The following ANKRD44 variants were observed in gnomAD, a reference collection of about 807,000 sequenced individuals.
ANKRD44 encodes the protein serine/threonine-protein phosphatase 6 regulatory ankyrin repeat subunit B.
In ANKRD44, 35 loss-of-function variants were observed where a neutral mutation model predicts 116.0. That is an observed-to-expected ratio of 0.30 (90% confidence interval 0.23 to 0.40). The LOEUF is 0.40. ANKRD44 is among the 10% of genes least tolerant of loss of function. The pLI, the probability that ANKRD44 is intolerant of heterozygous loss-of-function variation, is 1.00. For missense variants in ANKRD44, 1,014 were observed against 1,242.6 expected (o/e 0.82, Z 2.77); for synonymous variants, 435 against 461.8 (o/e 0.94, Z 0.74).
chr2:197,028,249 G>T (rs1296803441), intron 16 of ANKRD44, among the ~76,000 whole-genome samples: 1 of 151,948 alleles, frequency 6.6e-6, no homozygotes. Flanking sequence ...TAGAGACAGG[G>T]TCTCACTCTG....
intron 2 of ANKRD44, among the ~76,000 whole-genome samples, chr2:197,153,263 AGAG>A (rs1440499107): frequency 7.5e-6 from 1 of 132,514 alleles, no homozygotes; most frequent in Non-Finnish European, 1.7e-5. Flanking sequence ...AACAAGAAGA[AGAG>A]GAAGAAGAGG....
intron 27 of ANKRD44, 134 bp downstream of exon 27, chr2:196,993,449 T>G (rs2075956417): frequency 1.4e-6 from 1 of 702,038 alleles, no homozygotes; most frequent in Non-Finnish European, 2.4e-6. Flanking sequence ...TTGCTTGATT[T>G]CTCACACACA....
intron 4 of ANKRD44, among the ~76,000 whole-genome samples, chr2:197,128,183 G>A (rs544740528): frequency 6.6e-6 from 1 of 152,130 alleles, no homozygotes; most frequent in Non-Finnish European, 1.5e-5. Flanking sequence ...TGGGTCAAAT[G>A]GTATTTCTGC....
At chr2:197,196,234 C>T (rs917117675) in intron 1 of ANKRD44, among the ~76,000 whole-genome samples, 3 of 152,056 alleles carry the variant, frequency 2.0e-5, no homozygotes, top group Admixed American at 6.5e-5. Flanking sequence ...TCAATATAAA[C>T]CACTTTAGTG....
chr2:197,003,260 G>A (rs1376165728), intron 21 of ANKRD44, among the ~76,000 whole-genome samples: 2 of 151,624 alleles, frequency 1.3e-5, no homozygotes, highest in Non-Finnish European at 2.9e-5. Context: ...GTGGTGAGCC[G>A]AAATCACGCC....
At chr2:197,136,293 C>G in intron 4 of ANKRD44, 1 of 359,772 alleles carries the variant, frequency 2.8e-6, no homozygotes, top group Admixed American at 4.2e-5. Flanking sequence ...CTTTCTCCCG[C>G]AAGTCAATGA....
intron 16 of ANKRD44, among the ~76,000 whole-genome samples, chr2:197,070,797 A>C (rs2077542832): frequency 6.6e-6 from 1 of 152,188 alleles, no homozygotes; most frequent in Admixed American, 6.5e-5. Flanking sequence ...TTTTCCAGAA[A>C]AGACTGTGTA....
chr2:197,222,513 C>T (rs1001614670), intron 1 of ANKRD44, among the ~76,000 whole-genome samples: 6 of 152,312 alleles, frequency 3.9e-5, no homozygotes, highest in Admixed American at 3.3e-4. Flanking sequence ...ACCTTCCTCT[C>T]GCCCAAGGAC....
At chr2:197,017,529 A>T (rs182465695) in intron 17 of ANKRD44, among the ~76,000 whole-genome samples, 128 of 152,350 alleles carry the variant, frequency 8.4e-4, no homozygotes, top group African/African-American at 3.0e-3. Context: ...AATGATTTTG[A>T]TTATGTTACA....
At chr2:197,074,827 T>C (rs2125110430) in intron 16 of ANKRD44, among the ~76,000 whole-genome samples, 1 of 152,036 alleles carries the variant, frequency 6.6e-6, no homozygotes, top group East Asian at 1.9e-4. Context: ...AGCCGGGTGG[T>C]AATGGTTTTC....
At chr2:196,984,034 C>A (rs1277878243), downstream of ANKRD44, among the ~76,000 whole-genome samples, 1 of 152,234 alleles carries the variant, frequency 6.6e-6, no homozygotes, top group Non-Finnish European at 1.5e-5. Context: ...AAAGTTCTTT[C>A]TCAACCTTGT....
chr2:197,174,892 T>C (rs569975688), intron 2 of ANKRD44, among the ~76,000 whole-genome samples: 1 of 152,114 alleles, frequency 6.6e-6, no homozygotes, highest in Non-Finnish European at 1.5e-5. Context: ...AGGGGAGGTG[T>C]CCCAGATAAG....
In ANKRD44 at chr2:197,085,480, C is replaced by T. The variant is rs755953846; in HGVS notation, c.1316+1200G>A. Among the ~76,000 whole-genome samples the T allele has an allele frequency of 1.9e-4, 29 of 152,118 alleles. 1 individual carries two copies. In the South Asian group the frequency reaches 2.1e-3, roughly 11 times the overall value. ...TAAGTCATAACATAAGACAGGAGGTCGGCACAAGATACCGGTCATGAAGAC... is the reference window on the plus strand; with the variant it reads ...TAAGTCATAACATAAGACAGGAGGTTGGCACAAGATACCGGTCATGAAGAC... On this transcript the variant is annotated intron_variant, in intron 13 of 27. Coordinates refer to ENST00000282272, the MANE Select transcript of ANKRD44 (RefSeq NM_001195144.2).
In ANKRD44 at chr2:197,212,753, G is replaced by A. The variant is rs2081352682; in HGVS notation, c.28-25647C>T. ...ACATGTTTTTGCTCAAAAGAATTCA[G>A]TTAACACCCACAAGGAAGGGAGGTG... On this transcript the variant is annotated intron_variant, in intron 1 of 27. Coordinates refer to ENST00000282272, the MANE Select transcript of ANKRD44 (RefSeq NM_001195144.2). This position sits in a 1 kb window ranked among gnomAD's most constrained non-coding sequence, Gnocchi z 4.8. Among the ~76,000 whole-genome samples the A allele has an allele frequency of 6.6e-6, 1 of 151,996 alleles. No individual in the cohort carries two copies. Among genetic ancestry groups the A allele is most frequent in the African/African-American group, 2.4e-5 (1 of 41,382 alleles).
intron 10 of ANKRD44, chr2:197,099,481 T>C (rs1574453961): frequency 2.0e-6 from 2 of 1,023,486 alleles, no homozygotes; most frequent in African/African-American, 3.4e-5. Flanking sequence ...ACATTCTAAA[T>C]TGGCTCAGTT....
chr2:197,282,038 G>A (rs934823470), intron 1 of ANKRD44, among the ~76,000 whole-genome samples: 2 of 152,124 alleles, frequency 1.3e-5, no homozygotes, highest in Non-Finnish European at 2.9e-5. Flanking sequence ...CAGATCACGA[G>A]GTCAGGAGAT....
intron 16 of ANKRD44, among the ~76,000 whole-genome samples, chr2:197,046,856 C>G (rs768855997): frequency 3.3e-5 from 5 of 152,096 alleles, no homozygotes; most frequent in Non-Finnish European, 7.3e-5. Context: ...ACAGACACAA[C>G]CTGGGTTTTC....
At chr2:197,162,177 A>G (rs2079982327) in intron 2 of ANKRD44, among the ~76,000 whole-genome samples, 1 of 152,176 alleles carries the variant, frequency 6.6e-6, no homozygotes, top group Non-Finnish European at 1.5e-5. Context: ...CCTCAAGTCA[A>G]TGCTAATCTT....
At chr2:197,241,445 T>G (rs1259506928) in intron 1 of ANKRD44, among the ~76,000 whole-genome samples, 1 of 152,190 alleles carries the variant, frequency 6.6e-6, no homozygotes, top group African/African-American at 2.4e-5. Flanking sequence ...CATCTTATAT[T>G]AGGCAAGCAC....
Sources: gnomAD v4.1 joint callset for allele counts (sites outside exome capture counted in the v4.1 genomes callset) on GRCh38, gnomAD v4.1.1 for gene constraint, Gnocchi (gnomAD v3.1) non-coding constraint, MANE v1.5 for transcripts, NCBI Gene and HGNC (gene_info 2026-07-23, HGNC 2026-07-21) for gene names.